The following NAGK variants were observed in gnomAD, a reference collection of about 807,000 sequenced individuals.
NAGK encodes the protein N-acetylglucosamine kinase, also known as N-acetyl-D-glucosamine kinase.
In NAGK, 35 loss-of-function variants were observed where a neutral mutation model predicts 42.9. That is an observed-to-expected ratio of 0.82 (90% CI 0.62 to 1.08). The LOEUF (loss-of-function observed/expected upper bound fraction) is 1.08, where lower values mean the gene tolerates loss of function less well. Ranked by LOEUF, NAGK falls within the 50% of genes least tolerant of loss-of-function variation. The probability of loss-of-function intolerance (pLI) is 0.00; values close to 1 mark genes in which losing one functional copy is unlikely to be tolerated. For synonymous variants in NAGK, 172 were observed against 176.0 expected (o/e 0.98, Z 0.18); for missense variants, 446 against 446.0 (o/e 1.00, Z 0.00).
rs915886352 is a variant in NAGK at position 71,068,990 on chromosome 2, G to A, written c.29+278G>A. ...TCTTCCACGAAACACCCACTCCGCT[G>A]TCTTCAGCTGGAGAAGCAGCTCCTT... On this transcript the variant is annotated intron_variant, in intron 1 of 9. Coordinates refer to ENST00000244204, the MANE Select transcript of NAGK (RefSeq NM_017567.6). The A allele has an allele frequency of 3.3e-6, 4 of 1,217,352 alleles. No individual in the cohort carries two copies. In the African/African-American group the frequency reaches 6.3e-5, roughly 19 times the overall value. 75.4% of individuals were successfully genotyped at this position (1,217,352 alleles called of 1,614,324 possible). A position where few individuals can be genotyped will look rare whatever the true frequency, so the allele number is the denominator to read the frequency against.
At position 71,076,715 on chromosome 2, in the gene NAGK, G is replaced by A. The variant is rs1296922879; in HGVS notation, c.765+14G>A. On this transcript the variant is annotated intron_variant, in intron 8 of 9. Coordinates refer to ENST00000244204, the MANE Select transcript of NAGK (RefSeq NM_017567.6). ...GAGATTGACCCGGTGAGTTGAGGTG[G>A]GAGTGAAGGTGGGGAGCTGCTGGGT... The A allele has an allele frequency of 1.9e-6, 3 of 1,608,784 alleles. No homozygotes were observed. The highest frequency in any genetic ancestry group is 2.6e-6 in the Non-Finnish European group (3 of 1,175,544).
At position 71,069,213 on chromosome 2, in the gene NAGK, C is replaced by G. The variant is rs1027201815; in HGVS notation, c.29+501C>G. On this transcript the variant is annotated intron_variant, in intron 1 of 9. Coordinates refer to ENST00000244204, the MANE Select transcript of NAGK (RefSeq NM_017567.6). ...TGAAAACCGCTCCATCCCTGTTGGC[C>G]TTCCATGCTGCTTTCACTAGATTGC... The G allele has an allele frequency of 1.8e-5, 10 of 560,596 alleles. No homozygotes were observed. In the African/African-American group the frequency reaches 1.8e-4, roughly 10 times the overall value. 34.7% of individuals were successfully genotyped at this position (560,596 alleles called of 1,614,324 possible). A position where few individuals can be genotyped will look rare whatever the true frequency, so the allele number is the denominator to read the frequency against.
At chr2:71,073,639 A>C (rs889858411) in intron 6 of NAGK, 45 bp downstream of exon 6, 3 of 1,455,722 alleles carry the variant, frequency 2.1e-6, no homozygotes, top group Admixed American at 1.7e-5. Flanking sequence ...GGGGTAGGGC[A>C]GTGAAACACT....
At chr2:71,076,936 G>A (rs1426199914) in intron 8 of NAGK, among the ~76,000 whole-genome samples, 6 of 151,876 alleles carry the variant, frequency 4.0e-5, no homozygotes, top group South Asian at 2.1e-4. Context: ...TTTAATGTAC[G>A]TGTGTGTGTG....
At chr2:71,074,362 G>A (rs965366131) in intron 6 of NAGK, among the ~76,000 whole-genome samples, 23 of 152,176 alleles carry the variant, frequency 1.5e-4, no homozygotes, top group African/African-American at 5.3e-4. Context: ...CTAGGCCAAG[G>A]TGAGGAATAG....
upstream of NAGK, chr2:71,068,412 C>G: frequency 2.4e-6 from 3 of 1,251,448 alleles, no homozygotes; most frequent in South Asian, 5.2e-5. Context: ...TAGTGTCCAT[C>G]TCTGGAAGCA....
At chr2:71,071,479 TTTC>T (rs1572976326) in intron 3 of NAGK, 2 of 636,314 alleles carry the variant, frequency 3.1e-6, no homozygotes, top group East Asian at 5.8e-5. Context: ...GAATCCCCTC[TTTC>T]TTCTGTCCAT....
At chr2:71,068,897 TCTGCCTGTGCAACAGCCACACC>T in intron 1 of NAGK, 185 bp downstream of exon 1, 3 of 1,321,598 alleles carry the variant, frequency 2.3e-6, no homozygotes, top group Non-Finnish European at 1.9e-6. Context: ...TTACGGGGAC[TCTGCCTGTGCAACAGCCACACC>T]CCGGGTTGGG....
Position 71,076,634 on chromosome 2 carries a change from A to G in NAGK, c.698A>G (p.Tyr233Cys), listed in dbSNP as rs1672222065. ...CAGCAGGGAGACCCCCTTTCCCGCT[A>G]TATCTTCAGGAAGGCTGGGGAGATG... ...GAQQGDPLSRYIFRKAGEMLG... is the reference protein window; with the variant it reads ...GAQQGDPLSRCIFRKAGEMLG... Residue 233 changes from tyrosine to cysteine, a missense_variant, in exon 8 of 10, where the codon TAT (tyrosine) becomes TGT (cysteine). Coordinates refer to ENST00000244204, the MANE Select transcript of NAGK (RefSeq NM_017567.6). 1.2e-6 allele frequency: 2 copies of G among 1,613,714 alleles called. No individual in the cohort carries two copies. Among genetic ancestry groups the G allele is most frequent in the East Asian group, 2.2e-5 (1 of 44,858 alleles).
upstream of NAGK, chr2:71,068,620 G>A (rs953903036): frequency 1.3e-6 from 2 of 1,525,470 alleles, no homozygotes; most frequent in African/African-American, 1.4e-5. Context: ...GACAGCTGGA[G>A]GGAAGGAGGT....
chr2:71,075,726 C>A, intron 7 of NAGK, 84 bp downstream of exon 7: 1 of 1,339,270 alleles, frequency 7.5e-7, no homozygotes, highest in Non-Finnish European at 1.1e-6. Flanking sequence ...TCAGACAGGA[C>A]TGACAACAAT....
chr2:71,072,830 G>A (rs771904183), intron 5 of NAGK, 79 bp downstream of exon 5: 4 of 1,337,372 alleles, frequency 3.0e-6, no homozygotes, highest in South Asian at 1.2e-5. Flanking sequence ...CCTTAGCCTT[G>A]GCTCACTGAG....
chr2:71,078,461 G>C lies in NAGK; in HGVS notation c.988G>C (p.Asp330His). The C allele has an allele frequency of 1.2e-6, 2 of 1,608,540 alleles. No homozygotes were observed. The highest frequency in any genetic ancestry group is 1.7e-6 in the Non-Finnish European group (2 of 1,177,308). The part of the protein sequence containing the change: ...ARHIGHLLPM[D>H]YSANAIAFYS... ...GCACATCGGGCACCTCCTCCCCATGGACTATAGCGCCAATGCCATTGCCTT... is the reference window on the plus strand; with the variant it reads ...GCACATCGGGCACCTCCTCCCCATGCACTATAGCGCCAATGCCATTGCCTT... The change falls in exon 10 of 10, where the codon GAC becomes CAC. Residue 330 changes from aspartate to histidine, a missense_variant. Coordinates refer to ENST00000244204, the MANE Select transcript of NAGK (RefSeq NM_017567.6).
chr2:71,078,173 G>A lies in NAGK; in HGVS notation c.845-145G>A, dbSNP rs1376343427. ...AATACTCGAGTACCCAGTGCACCCT[G>A]TGTGCTGGGCACTTGGCATGTAGGC... On this transcript the variant is annotated intron_variant, in intron 9 of 9. Transcript: ENST00000244204. 1.1e-5 allele frequency: 8 copies of A among 735,038 alleles called. No homozygotes were observed. In the African/African-American group the frequency reaches 1.2e-4, roughly 11 times the overall value. The allele number at this position is 735,038 out of a possible 1,614,324, so 45.5% of individuals were successfully genotyped here. A position where few individuals can be genotyped will look rare whatever the true frequency, so the allele number is the denominator to read the frequency against.
At position 71,078,394 on chromosome 2, in the gene NAGK, G is replaced by A; in HGVS notation, c.921G>A (p.Leu307=). The change falls in exon 10 of 10, where the codon CTG becomes CTA. Residue 307 remains leucine (L), a synonymous_variant. Transcript: ENST00000244204. ...NFFSSFTLMK[L]RHSSALGGAS... is the part of the protein sequence containing the mutation. ...TCTCCAGCTTCACCCTGATGAAGCT[G>A]AGGCACTCCTCCGCTCTGGGTGGGG... 2 of 1,614,172 alleles carry A rather than the reference G, an allele frequency of 1.2e-6. No individual in the cohort carries two copies. Among genetic ancestry groups the A allele is most frequent in the Non-Finnish European group, 1.7e-6 (2 of 1,180,030 alleles).
upstream of NAGK, chr2:71,068,469 C>T (rs1395226522): frequency 4.3e-6 from 6 of 1,403,700 alleles, no homozygotes; most frequent in African/African-American, 9.1e-5. Flanking sequence ...AGTCGCTCCA[C>T]CTGGAGGAGA....
In NAGK at chr2:71,078,618, A is replaced by C; in HGVS notation, c.*110A>C. The C allele has an allele frequency of 7.7e-7, 1 of 1,303,062 alleles. No individual in the cohort carries two copies. 80.7% of individuals were successfully genotyped at this position (1,303,062 alleles called of 1,614,324 possible). A position where few individuals can be genotyped will look rare whatever the true frequency, so the allele number is the denominator to read the frequency against. Reference sequence around the variant, plus strand: ...TACAAAAACAAACATAGAAGAAAATAAATGCACTTTATCCACTCCCCAATT... The same window carrying C: ...TACAAAAACAAACATAGAAGAAAATCAATGCACTTTATCCACTCCCCAATT... On this transcript the variant is annotated 3_prime_UTR_variant, in exon 10 of 10. Coordinates refer to ENST00000244204, the MANE Select transcript of NAGK (RefSeq NM_017567.6).
chr2:71,072,631 C>G lies in NAGK; in HGVS notation c.356-10C>G. On this transcript the variant is annotated splice_polypyrimidine_tract_variant and intron_variant, in intron 4 of 9. Coordinates refer to ENST00000244204, the MANE Select transcript of NAGK (RefSeq NM_017567.6). ...TCGGCCACACTGAGCCTCCTATTCCCTTTCCCCAGGTGGAGTTGTGCTCAT... is the reference window on the plus strand; with the variant it reads ...TCGGCCACACTGAGCCTCCTATTCCGTTTCCCCAGGTGGAGTTGTGCTCAT... The G allele has an allele frequency of 1.2e-6, 2 of 1,610,924 alleles. No homozygotes were observed. Among genetic ancestry groups the G allele is most frequent in the Non-Finnish European group, 1.7e-6 (2 of 1,177,248 alleles).
At position 71,078,555 on chromosome 2, in the gene NAGK, T is replaced by C. The variant is rs1235300669; in HGVS notation, c.*47T>C. On this transcript the variant is annotated 3_prime_UTR_variant, in exon 10 of 10. Transcript: ENST00000244204. ...CCCTCCAAGCTCAGTGGACACTGGGTCTGAAAGGAAGGAGTCTTTTGCTTC... is the reference window on the plus strand; with the variant it reads ...CCCTCCAAGCTCAGTGGACACTGGGCCTGAAAGGAAGGAGTCTTTTGCTTC... 2 of 1,454,354 alleles carry C rather than the reference T, an allele frequency of 1.4e-6. No homozygotes were observed. The highest frequency in any genetic ancestry group is 5.7e-5 in the Admixed American group (2 of 35,398). The allele number at this position is 1,454,354 out of a possible 1,614,324, so 90.1% of individuals were successfully genotyped here.
Sources: allele counts gnomAD v4.1 joint callset (sites outside exome capture counted in the v4.1 genomes callset), GRCh38; gene constraint gnomAD v4.1.1; transcripts MANE v1.5; gene names NCBI Gene and HGNC (gene_info 2026-07-23, HGNC 2026-07-21).